The following GARNL3 variants were observed in gnomAD, a reference collection of about 807,000 sequenced individuals.
The protein encoded by GARNL3 is GTPase-activating Rap/Ran-GAP domain-like protein 3.
A neutral mutation model predicts 125.0 loss-of-function variants in GARNL3; 63 were observed. That is an observed-to-expected ratio of 0.50 (90% CI 0.41 to 0.62). GARNL3 has a LOEUF of 0.62. GARNL3 is among the 20% of genes least tolerant of loss of function. The probability of loss-of-function intolerance (pLI) is 0.00; values close to 1 mark genes in which losing one functional copy is unlikely to be tolerated. For synonymous variants in GARNL3, 439 were observed against 457.5 expected, an observed-to-expected ratio of 0.96 and a Z score of 0.52; for missense variants, 994 against 1,244.0, an observed-to-expected ratio of 0.80 and a Z score of 3.02.
chr9:127,231,950 C>G (rs112368952), intron 1 of GARNL3, among the ~76,000 whole-genome samples: 2 of 152,152 alleles, frequency 1.3e-5, no homozygotes, highest in African/African-American at 4.8e-5. Context: ...CAGGGACATA[C>G]AGTACTTCAA....
intron 26 of GARNL3, among the ~76,000 whole-genome samples, chr9:127,390,382 C>T (rs962834986): frequency 1.3e-4 from 20 of 152,184 alleles, no homozygotes; most frequent in East Asian, 1.9e-4. Flanking sequence ...GGGTTATCAA[C>T]GGTAGGACTG....
At chr9:127,285,678 T>G (rs886781636) in intron 1 of GARNL3, among the ~76,000 whole-genome samples, 1 of 152,170 alleles carries the variant, frequency 6.6e-6, no homozygotes, top group African/African-American at 2.4e-5. Context: ...TATAGTGATA[T>G]GTTGTTACTC....
chr9:127,289,487 C>T (rs118087292), intron 1 of GARNL3, among the ~76,000 whole-genome samples: 2 of 152,210 alleles, frequency 1.3e-5, no homozygotes, highest in East Asian at 1.9e-4. Flanking sequence ...CTCCTCCTGG[C>T]GATGATGTGT....
At chr9:127,314,181 C>T (rs1188314027) in intron 4 of GARNL3, among the ~76,000 whole-genome samples, 1 of 152,228 alleles carries the variant, frequency 6.6e-6, no homozygotes, top group Non-Finnish European at 1.5e-5. Context: ...CTCTTAGAAG[C>T]TCTCCATCCC....
chr9:127,353,603 C>T (rs1248127816), intron 17 of GARNL3: 5 of 429,034 alleles, frequency 1.2e-5, no homozygotes, highest in East Asian at 4.9e-5. Flanking sequence ...TCTGCTGCTA[C>T]GCCCCCTATA....
intron 22 of GARNL3, among the ~76,000 whole-genome samples, chr9:127,374,946 A>G (rs1409642797): frequency 6.6e-6 from 1 of 151,792 alleles, no homozygotes; most frequent in Non-Finnish European, 1.5e-5. Flanking sequence ...AAACTTTTTT[A>G]AAAAACTATA....
intron 22 of GARNL3, among the ~76,000 whole-genome samples, chr9:127,368,323 T>G (rs10987615): frequency 0.031 from 4,516 of 144,876 alleles, 201 homozygotes; most frequent in East Asian, 0.16. Flanking sequence ...AGGTCCAAAA[T>G]ACATTTCTTT....
intron 17 of GARNL3, among the ~76,000 whole-genome samples, chr9:127,351,507 T>G (rs940700940): frequency 2.6e-5 from 4 of 152,176 alleles, no homozygotes; most frequent in African/African-American, 4.8e-5. Context: ...TTCAGGGCCT[T>G]CTTTATATTT....
chr9:127,313,641 G>GT lies in GARNL3; in HGVS notation c.438+85dup, dbSNP rs878969704. On this transcript the variant is annotated intron_variant, in intron 4 of 27. Coordinates refer to ENST00000373387, the MANE Select transcript of GARNL3 (RefSeq NM_032293.5). ...CCCTGTGCTGTGGAACTGTGTGCCA[G>GT]TTTCTTCCAGGGCATGCCTCATAGT... The GT allele has an allele frequency of 9.7e-5, 91 of 934,952 alleles. No individual in the cohort carries two copies. The South Asian group carries it at 1.1e-3, about 12-fold the overall frequency. 57.9% of individuals were successfully genotyped at this position (934,952 alleles called of 1,614,324 possible). A position where few individuals can be genotyped will look rare whatever the true frequency, so the allele number is the denominator to read the frequency against.
chr9:127,235,188 A>G lies in GARNL3; in HGVS notation c.-28-7891A>G, dbSNP rs537366752. Among the ~76,000 whole-genome samples, 5 of 151,312 alleles carry G rather than the reference A, an allele frequency of 3.3e-5. 1 individual carries two copies. The highest frequency in any genetic ancestry group is 1.2e-4 in the African/African-American group (5 of 41,168). On this transcript the variant is annotated intron_variant, in intron 1 of 10. Coordinates refer to the GARNL3 transcript ENST00000439286. ...TATTGAGAAAGTTTCCTTTTTTCCC[A>G]TACTGTCTTCAAAATCTAGTATGCA...
chr9:127,316,836 A>C (rs2065253412), intron 4 of GARNL3, among the ~76,000 whole-genome samples: 1 of 152,194 alleles, frequency 6.6e-6, no homozygotes, highest in African/African-American at 2.4e-5. Context: ...GGAAAGCTCA[A>C]AGAACTCCTC....
intron 7 of GARNL3, among the ~76,000 whole-genome samples, chr9:127,325,838 C>T (rs908786055): frequency 6.6e-6 from 1 of 152,190 alleles, no homozygotes; most frequent in African/African-American, 2.4e-5. Context: ...GGCTTCCACT[C>T]TCACCCTCTC....
At chr9:127,263,425 T>C (rs921269400), upstream of GARNL3, among the ~76,000 whole-genome samples, 12 of 152,110 alleles carry the variant, frequency 7.9e-5, no homozygotes, top group African/African-American at 2.2e-4. Flanking sequence ...TCAACAGCCA[T>C]TGGGCATCCG....
chr9:127,354,751 C>G (rs1447308837), intron 19 of GARNL3, among the ~76,000 whole-genome samples: 1 of 152,188 alleles, frequency 6.6e-6, no homozygotes, highest in East Asian at 1.9e-4. Flanking sequence ...TCCACAAACT[C>G]TAGAATATAG....
chr9:127,337,848 C>G (rs1206940493), intron 11 of GARNL3, among the ~76,000 whole-genome samples: 1 of 152,196 alleles, frequency 6.6e-6, no homozygotes, highest in Admixed American at 6.5e-5. Flanking sequence ...AGCTATATTT[C>G]TATTGCTTTT....
intron 2 of GARNL3, chr9:127,300,719 T>G (rs2064757900): frequency 3.0e-6 from 1 of 332,410 alleles, no homozygotes; most frequent in African/African-American, 2.2e-5. Flanking sequence ...CCTCCCAAAG[T>G]GCTGGGATTA....
intron 1 of GARNL3, among the ~76,000 whole-genome samples, chr9:127,224,969 G>C: frequency 6.8e-6 from 1 of 146,538 alleles, no homozygotes; most frequent in South Asian, 2.2e-4. Flanking sequence ...CTGAGGGCGC[G>C]GGGGAAGCAG....
At chr9:127,292,792 G>T (rs2064463915) in intron 2 of GARNL3, among the ~76,000 whole-genome samples, 2 of 152,194 alleles carry the variant, frequency 1.3e-5, no homozygotes. Context: ...CCAGTCAGGG[G>T]TTAGAAATAA....
chr9:127,269,918 C>T (rs1238702316), intron 1 of GARNL3, among the ~76,000 whole-genome samples: 1 of 151,682 alleles, frequency 6.6e-6, no homozygotes, highest in Non-Finnish European at 1.5e-5. Context: ...GCCTTTAATG[C>T]ACAGAAGTTT....
Sources: gnomAD v4.1 joint callset for allele counts (sites outside exome capture counted in the v4.1 genomes callset) on GRCh38, gnomAD v4.1.1 for gene constraint, MANE v1.5 for transcripts, NCBI Gene and HGNC (gene_info 2026-07-23, HGNC 2026-07-21) for gene names.